Variants in CNTN5 observed in about 807,000 individuals in gnomAD.
CNTN5 encodes the protein contactin-5.
A neutral mutation model predicts 129.1 loss-of-function variants in CNTN5; 77 were observed. The observed-to-expected ratio is 0.60, with a 90% CI of 0.50 to 0.72. The LOEUF is 0.72. Ranked by LOEUF, CNTN5 falls within the 30% of genes least tolerant of loss-of-function variation. The pLI, the probability that CNTN5 is intolerant of heterozygous loss-of-function variation, is 0.00. For synonymous variants in CNTN5, 509 were observed against 465.6 expected, an observed-to-expected ratio of 1.09 and a Z score of -1.20; for missense variants, 1,478 against 1,328.8, an observed-to-expected ratio of 1.11 and a Z score of -1.75.
intron 16 of CNTN5, among the ~76,000 whole-genome samples, chr11:100,240,853 A>G (rs186592758): frequency 1.3e-5 from 2 of 152,362 alleles, no homozygotes; most frequent in South Asian, 2.1e-4. Flanking sequence ...AACAATTTCA[A>G]ATTTACTCTG....
At chr11:99,491,451 A>G (rs768143715) in intron 2 of CNTN5, among the ~76,000 whole-genome samples, 1 of 152,160 alleles carries the variant, frequency 6.6e-6, no homozygotes, top group Non-Finnish European at 1.5e-5. Flanking sequence ...TTTATTCCCT[A>G]GTAAGCAGAC....
At chr11:100,236,884 A>G (rs553968761) in intron 16 of CNTN5, among the ~76,000 whole-genome samples, 1 of 152,072 alleles carries the variant, frequency 6.6e-6, no homozygotes, top group Non-Finnish European at 1.5e-5. Context: ...TGACAACCCA[A>G]ATGTGGTCAC....
At chr11:99,754,700 A>G (rs374806717) in intron 3 of CNTN5, among the ~76,000 whole-genome samples, 1 of 152,094 alleles carries the variant, frequency 6.6e-6, no homozygotes, top group African/African-American at 2.4e-5. Context: ...GAGCCTCCCT[A>G]TCATTGACAT....
intron 9 of CNTN5, among the ~76,000 whole-genome samples, chr11:100,045,508 A>G (rs530431284): frequency 4.6e-5 from 7 of 152,128 alleles, no homozygotes; most frequent in African/African-American, 1.7e-4. Flanking sequence ...TAAGAAAGTA[A>G]TAACAAGAAG....
At chr11:100,025,278 G>T (rs1439614090) in intron 9 of CNTN5, among the ~76,000 whole-genome samples, 8 of 152,238 alleles carry the variant, frequency 5.3e-5, no homozygotes, top group Non-Finnish European at 1.2e-4. Flanking sequence ...TTTTGGGCCT[G>T]CAGGTACACA....
chr11:100,245,923 C>T (rs1949831454), intron 16 of CNTN5, among the ~76,000 whole-genome samples: 1 of 152,058 alleles, frequency 6.6e-6, no homozygotes, highest in African/African-American at 2.4e-5. Flanking sequence ...AAATATATAA[C>T]ACTTAGCACA....
chr11:99,492,801 C>A (rs965617461), intron 2 of CNTN5, among the ~76,000 whole-genome samples: 2 of 152,066 alleles, frequency 1.3e-5, no homozygotes, highest in South Asian at 2.1e-4. Context: ...GGAAGGGGAG[C>A]CAGGCATGCA....
rs556351566 is a variant in CNTN5 at position 100,310,514 on chromosome 11, T to C, written c.2730+2046T>C. ...TGTAGACCTATTAAGTACCAGACAA[T>C]GAGCTAAATGCCAGGAACAAACCAA... On this transcript the variant is annotated intron_variant, in intron 21 of 24. Transcript: ENST00000524871. Among the ~76,000 whole-genome samples the C allele has an allele frequency of 3.3e-5, 5 of 152,004 alleles. No individual in the cohort carries two copies. The South Asian group carries it at 1.0e-3, about 32-fold the overall frequency.
intron 16 of CNTN5, among the ~76,000 whole-genome samples, chr11:100,240,838 G>C (rs73561682): frequency 0.022 from 3,299 of 152,226 alleles, 111 homozygotes; most frequent in African/African-American, 0.075. Context: ...TGTGTCATTG[G>C]AAATAACAAT....
intron 3 of CNTN5, among the ~76,000 whole-genome samples, chr11:99,575,155 C>T (rs900079480): frequency 1.3e-5 from 2 of 152,082 alleles, no homozygotes; most frequent in African/African-American, 4.8e-5. Flanking sequence ...AACAACAGAC[C>T]TTAAGTATCT....
intron 1 of CNTN5, among the ~76,000 whole-genome samples, chr11:99,237,679 CAAAAAG>C (rs980204820): frequency 6.9e-6 from 1 of 145,114 alleles, no homozygotes; most frequent in African/African-American, 2.5e-5. Flanking sequence ...GACTCTGTCT[CAAAAAG>C]AAAAAAAAAA....
At chr11:99,508,686 C>CTTTCTTTTTTTTTTTTTTTTTTT (rs11281160) in intron 2 of CNTN5, among the ~76,000 whole-genome samples, 4 of 146,858 alleles carry the variant, frequency 2.7e-5, no homozygotes, top group Non-Finnish European at 3.0e-5. Flanking sequence ...TCTTTTCTTT[C>CTTTCTTTTTTTTTTTTTTTTTTT]TTTTTTTTTT....
In CNTN5 at chr11:99,280,619, AC is replaced by A. The variant is rs527331065; in HGVS notation, c.-209-44724del. ...CCACCCTGAAATTTTATAGCTATAGACCCAATCTCTGATGGCTTTGAGGATC... is the reference window on the plus strand; with the variant it reads ...CCACCCTGAAATTTTATAGCTATAGACCAATCTCTGATGGCTTTGAGGATC... On this transcript the variant is annotated intron_variant, in intron 1 of 24. Transcript: ENST00000524871. Among the ~76,000 whole-genome samples the A allele has an allele frequency of 8.3e-3, 1,259 of 151,890 alleles. 10 individuals are homozygous for A. The highest frequency in any genetic ancestry group is 0.012 in the Non-Finnish European group (817 of 67,846).
At chr11:99,547,875 T>C (rs914428630) in intron 2 of CNTN5, among the ~76,000 whole-genome samples, 23 of 152,188 alleles carry the variant, frequency 1.5e-4, no homozygotes, top group African/African-American at 5.5e-4. Flanking sequence ...TTAGACTGTC[T>C]AGATATTAAT....
chr11:99,501,062 G>T (rs1285748848), intron 2 of CNTN5, among the ~76,000 whole-genome samples: 1 of 152,116 alleles, frequency 6.6e-6, no homozygotes, highest in Non-Finnish European at 1.5e-5. Flanking sequence ...GTGTGTTTGT[G>T]TGCATCTGTG....
At chr11:99,812,956 TTTTG>T (rs1225496809) in intron 3 of CNTN5, among the ~76,000 whole-genome samples, 1 of 151,932 alleles carries the variant, frequency 6.6e-6, no homozygotes, top group African/African-American at 2.4e-5. Flanking sequence ...TTTAGAATAA[TTTTG>T]TTTGTTTAAT....
chr11:100,020,227 T>C (rs1941056483), intron 9 of CNTN5, among the ~76,000 whole-genome samples: 1 of 152,028 alleles, frequency 6.6e-6, no homozygotes, highest in African/African-American at 2.4e-5. Flanking sequence ...TCAAGAAGCT[T>C]TTTCCTCTGT....
chr11:99,426,015 A>T (rs1265077890), intron 2 of CNTN5, among the ~76,000 whole-genome samples: 1 of 152,238 alleles, frequency 6.6e-6, no homozygotes, highest in African/African-American at 2.4e-5. Context: ...AACATATACT[A>T]AGAAATAACA....
intron 1 of CNTN5, among the ~76,000 whole-genome samples, chr11:99,302,566 C>A (rs941997181): frequency 2.6e-5 from 4 of 151,534 alleles, no homozygotes; most frequent in African/African-American, 4.8e-5. Flanking sequence ...TAATTTAATA[C>A]CTTCATATCA....
Sources: gnomAD v4.1 joint callset for allele counts (sites outside exome capture counted in the v4.1 genomes callset) on GRCh38, gnomAD v4.1.1 for gene constraint, MANE v1.5 for transcripts, NCBI Gene and HGNC (gene_info 2026-07-23, HGNC 2026-07-21) for gene names.